NAALADL2: variants seen among roughly 807,000 people sequenced by gnomAD.
NAALADL2 encodes the protein N-acetylated alpha-linked acidic dipeptidase like 2.
Under a neutral mutation model 87.2 loss-of-function variants are expected in NAALADL2, and 76 were observed. That is an observed-to-expected ratio of 0.87 (90% CI 0.72 to 1.05). The LOEUF (loss-of-function observed/expected upper bound fraction) is 1.05. Ranked by LOEUF, NAALADL2 falls within the 50% of genes least tolerant of loss-of-function variation. The pLI, the probability that NAALADL2 is intolerant of heterozygous loss-of-function variation, is 0.00. For synonymous variants in NAALADL2, 354 were observed against 331.0 expected (o/e 1.07, Z -0.75); for missense variants, 1,089 against 945.8 (o/e 1.15, Z -1.99).
At chr3:174,718,565 C>G (rs1319336325) in intron 2 of NAALADL2, among the ~76,000 whole-genome samples, 2 of 152,054 alleles carry the variant, frequency 1.3e-5, no homozygotes, top group Non-Finnish European at 2.9e-5. Context: ...AGAAAATAAC[C>G]TTTTATTATG....
chr3:175,101,055 C>T (rs913034873), intron 2 of NAALADL2, among the ~76,000 whole-genome samples: 1 of 151,968 alleles, frequency 6.6e-6, no homozygotes, highest in Admixed American at 6.6e-5. Flanking sequence ...AATGAGAAGT[C>T]TCCAGTTGTA....
chr3:174,775,754 C>G (rs1715133732), intron 3 of NAALADL2, among the ~76,000 whole-genome samples: 2 of 152,114 alleles, frequency 1.3e-5, no homozygotes, highest in Non-Finnish European at 2.9e-5. Context: ...CTCCCTTGCA[C>G]AGTTGTTGGC....
intron 1 of NAALADL2, among the ~76,000 whole-genome samples, chr3:174,525,743 T>A (rs1720689013): frequency 6.6e-6 from 1 of 152,234 alleles, no homozygotes; most frequent in Non-Finnish European, 1.5e-5. Flanking sequence ...ATTTTCAACT[T>A]TATTCAGATT....
intron 2 of NAALADL2, among the ~76,000 whole-genome samples, chr3:174,568,552 G>A (rs889665434): frequency 3.3e-5 from 5 of 151,808 alleles, no homozygotes; most frequent in African/African-American, 9.7e-5. Context: ...AGAAGGCAAT[G>A]CATGATTAAT....
intron 1 of NAALADL2, among the ~76,000 whole-genome samples, chr3:174,513,980 G>C (rs1719768335): frequency 6.6e-6 from 1 of 152,050 alleles, no homozygotes; most frequent in African/African-American, 2.4e-5. Context: ...CCTCTTCTCT[G>C]TACCCACCTA....
intron 13 of NAALADL2, among the ~76,000 whole-genome samples, chr3:175,776,600 C>T (rs1750276642): frequency 6.6e-6 from 1 of 152,060 alleles, no homozygotes; most frequent in Non-Finnish European, 1.5e-5. Flanking sequence ...AGTCCCTTTA[C>T]ATTAAGAAAC....
intron 2 of NAALADL2, among the ~76,000 whole-genome samples, chr3:174,557,830 T>C: frequency 6.6e-6 from 1 of 151,976 alleles, no homozygotes; most frequent in East Asian, 1.9e-4. Flanking sequence ...GCCATTACAG[T>C]GAAAAGAAAG....
At chr3:174,473,292 T>C (rs1275393720) in intron 1 of NAALADL2, among the ~76,000 whole-genome samples, 1 of 152,192 alleles carries the variant, frequency 6.6e-6, no homozygotes, top group Non-Finnish European at 1.5e-5. Context: ...GTGACAATCA[T>C]AGATGATCTG....
At chr3:174,673,500 T>C (rs530200762) in intron 2 of NAALADL2, among the ~76,000 whole-genome samples, 43 of 152,062 alleles carry the variant, frequency 2.8e-4, no homozygotes, top group Non-Finnish European at 4.0e-4. Context: ...TGCAGCAACA[T>C]GGATGGAAAT....
chr3:175,612,570 A>T (rs925154868), intron 10 of NAALADL2, among the ~76,000 whole-genome samples: 1 of 152,154 alleles, frequency 6.6e-6, no homozygotes, highest in Non-Finnish European at 1.5e-5. Flanking sequence ...CCTTAACTTT[A>T]AGACCTTTAA....
chr3:174,650,832 G>A (rs898369733), intron 2 of NAALADL2, among the ~76,000 whole-genome samples: 1 of 152,128 alleles, frequency 6.6e-6, no homozygotes, highest in African/African-American at 2.4e-5. Context: ...AGGCTTCAGT[G>A]AAGTTGCATT....
chr3:174,598,813 A>T (rs1718166531), intron 2 of NAALADL2, among the ~76,000 whole-genome samples: 1 of 152,228 alleles, frequency 6.6e-6, no homozygotes, highest in Admixed American at 6.5e-5. Context: ...CTTAGCCATC[A>T]TATGTTGCTA....
At chr3:175,452,907 T>G (rs1721794243) in intron 6 of NAALADL2, among the ~76,000 whole-genome samples, 2 of 151,938 alleles carry the variant, frequency 1.3e-5, no homozygotes, top group African/African-American at 4.8e-5. Context: ...TCCTGGGGAG[T>G]GCAGGCTGGG....
intron 3 of NAALADL2, among the ~76,000 whole-genome samples, chr3:174,759,181 C>T (rs1400569289): frequency 6.6e-6 from 1 of 152,198 alleles, no homozygotes; most frequent in Non-Finnish European, 1.5e-5. Flanking sequence ...TAGTCTCCTA[C>T]TTGCCTTATT....
chr3:175,657,424 A>G (rs989483880), intron 11 of NAALADL2, among the ~76,000 whole-genome samples: 1 of 152,108 alleles, frequency 6.6e-6, no homozygotes, highest in African/African-American at 2.4e-5. Context: ...ATTGCTTATT[A>G]TCATATTTAC....
chr3:174,584,579 G>A (rs368214954), intron 2 of NAALADL2, among the ~76,000 whole-genome samples: 1 of 151,880 alleles, frequency 6.6e-6, no homozygotes, highest in Non-Finnish European at 1.5e-5. Context: ...TATCAGTATT[G>A]ATTCAAAAAA....
At chr3:174,601,127 C>T (rs1718418560) in intron 2 of NAALADL2, among the ~76,000 whole-genome samples, 2 of 152,078 alleles carry the variant, frequency 1.3e-5, no homozygotes, top group African/African-American at 4.8e-5. Flanking sequence ...CTTCAATATA[C>T]TGATTTTCTT....
At chr3:174,710,374 C>G (rs765436340) in intron 2 of NAALADL2, among the ~76,000 whole-genome samples, 1 of 151,850 alleles carries the variant, frequency 6.6e-6, no homozygotes, top group Admixed American at 6.6e-5. Context: ...CCTCTCTCAG[C>G]CTTCGGAGTA....
chr3:174,605,882 C>T (rs1329406555), intron 2 of NAALADL2, among the ~76,000 whole-genome samples: 1 of 152,196 alleles, frequency 6.6e-6, no homozygotes, highest in East Asian at 1.9e-4. Flanking sequence ...GGGTCCCTGA[C>T]CCCTGATCCC....
Sources: allele counts gnomAD v4.1 joint callset (sites outside exome capture counted in the v4.1 genomes callset), GRCh38; gene constraint gnomAD v4.1.1; transcripts MANE v1.5; gene names NCBI Gene and HGNC (gene_info 2026-07-23, HGNC 2026-07-21).